SHISAL1: variants seen among roughly 807,000 people sequenced by gnomAD.
SHISAL1 encodes the protein protein shisa-like-1.
In SHISAL1, 9 loss-of-function variants were observed where a neutral mutation model predicts 22.6. That is an observed-to-expected ratio of 0.40 (90% CI 0.24 to 0.70). The LOEUF is 0.70. Ranked by LOEUF, SHISAL1 falls within the 30% of genes least tolerant of loss-of-function variation. SHISAL1 has a pLI of 0.39. For synonymous variants in SHISAL1, 119 were observed against 115.4 expected (o/e 1.03, Z -0.20); for missense variants, 246 against 270.6 (o/e 0.91, Z 0.64).
chr22:44,328,861 C>T, the SHISAL1 span, among the ~76,000 whole-genome samples: 1 of 152,044 alleles, frequency 6.6e-6, no homozygotes, highest in African/African-American at 2.4e-5. Flanking sequence ...CATCCCCCAG[C>T]CCTCCAGGTC....
At chr22:44,301,835 G>A (rs2055431667) in intron 1 of SHISAL1, among the ~76,000 whole-genome samples, 1 of 152,158 alleles carries the variant, frequency 6.6e-6, no homozygotes, top group Admixed American at 6.5e-5. Flanking sequence ...CACCTACATG[G>A]GGTCCCTAGA....
intron 4 of SHISAL1, among the ~76,000 whole-genome samples, chr22:44,258,915 G>A (rs2055102876): frequency 6.6e-6 from 1 of 152,146 alleles, no homozygotes; most frequent in African/African-American, 2.4e-5. Flanking sequence ...CAGGGGGCAG[G>A]TACAGTAAGG....
intron 4 of SHISAL1, among the ~76,000 whole-genome samples, chr22:44,276,178 C>G (rs1373088591): frequency 3.9e-5 from 6 of 152,154 alleles, no homozygotes; most frequent in Non-Finnish European, 8.8e-5. Context: ...TTTTGTAAAC[C>G]TTGGCCAGGG....
At chr22:44,268,097 G>A (rs1601782985) in intron 4 of SHISAL1, among the ~76,000 whole-genome samples, 1 of 152,296 alleles carries the variant, frequency 6.6e-6, no homozygotes, top group East Asian at 1.9e-4. Context: ...TTACCCTCCT[G>A]ATGTTCGGTC....
intron 4 of SHISAL1, among the ~76,000 whole-genome samples, chr22:44,277,449 C>CAAACCAAAACA (rs2055247473): frequency 1.3e-5 from 2 of 150,480 alleles, no homozygotes; most frequent in Non-Finnish European, 3.0e-5. Context: ...ACTCTGCCTC[C>CAAACCAAAACA]AAACAAAACA....
chr22:44,272,216 A>T (rs1445872891), intron 4 of SHISAL1, among the ~76,000 whole-genome samples: 10 of 152,238 alleles, frequency 6.6e-5, no homozygotes, highest in Admixed American at 1.3e-4. Context: ...AGAGACACAC[A>T]ATCTCCATCT....
At position 44,263,736 on chromosome 22, in the gene SHISAL1, C is replaced by T. The variant is rs560798281; in HGVS notation, c.*-14051G>A. On this transcript the variant is annotated intron_variant, in intron 4 of 4. Coordinates refer to ENST00000381176, the MANE Select transcript of SHISAL1 (RefSeq NM_001099294.2). ...GGCCACAAGCCGAGGAATGTGGGCACCTCTGGGAACTGGAGCAGACAAGGA... is the reference window on the plus strand; with the variant it reads ...GGCCACAAGCCGAGGAATGTGGGCATCTCTGGGAACTGGAGCAGACAAGGA... 2.1e-4 allele frequency among the ~76,000 whole-genome samples: 32 copies of T among 152,272 alleles called. No homozygotes were observed. In the South Asian group the frequency reaches 3.3e-3, roughly 16 times the overall value.
the SHISAL1 span, among the ~76,000 whole-genome samples, chr22:44,331,427 G>C: frequency 2.0e-5 from 3 of 149,758 alleles, no homozygotes; most frequent in Admixed American, 1.3e-4. This position sits in a 1 kb window ranked among gnomAD's most constrained non-coding sequence, Gnocchi z 5.2. Flanking sequence ...CGCCGCTCTC[G>C]GACCCCGGCC....
the SHISAL1 span, among the ~76,000 whole-genome samples, chr22:44,326,742 G>T: frequency 6.6e-6 from 1 of 152,046 alleles, no homozygotes; most frequent in African/African-American, 2.4e-5. Flanking sequence ...ATGGGCTGTC[G>T]ATGTAAACGC....
intron 3 of SHISAL1, among the ~76,000 whole-genome samples, chr22:44,287,793 A>T (rs1365997299): frequency 2.6e-5 from 4 of 151,972 alleles, no homozygotes; most frequent in Admixed American, 2.6e-4. Context: ...GTCCATGTAG[A>T]CCGAGGAGTC....
chr22:44,281,240 G>A (rs135399), intron 4 of SHISAL1, among the ~76,000 whole-genome samples: 54,780 of 152,060 alleles, frequency 0.36, 11,012 homozygotes, highest in Non-Finnish European at 0.46. Flanking sequence ...CACGGGATTT[G>A]CTGAGCAGCT....
At chr22:44,296,252 TGG>T (rs2055385147) in intron 3 of SHISAL1, among the ~76,000 whole-genome samples, 1 of 150,204 alleles carries the variant, frequency 6.7e-6, no homozygotes, top group Non-Finnish European at 1.5e-5. Flanking sequence ...CTCTGCCTCC[TGG>T]GTTCAAGTGA....
intron 4 of SHISAL1, among the ~76,000 whole-genome samples, chr22:44,279,015 C>A (rs1390883421): frequency 6.6e-6 from 1 of 152,114 alleles, no homozygotes; most frequent in Non-Finnish European, 1.5e-5. Context: ...GGCACTGAGA[C>A]TAGGGAGGGC....
In SHISAL1 at chr22:44,285,481, C is replaced by A. The variant is rs763354405; in HGVS notation, c.546G>T (p.Leu182Phe). The change falls in exon 4 of 5, where the codon TTG becomes TTT. Residue 182 changes from leucine (L) to phenylalanine (F), a missense_variant. Leu to Phe is a conservative substitution (Grantham distance 22). Around this residue, in one of 2 missense-constraint regions of SHISAL1, gnomAD observed 136 missense variants for 117.5 expected, o/e 1.16. Coordinates refer to ENST00000381176, the MANE Select transcript of SHISAL1 (RefSeq NM_001099294.2). ...GCGGTGGGCTGTGAGCATCTCCCCG[C>A]AATGTGTGCACGGCCTGTGGGGCTT... The part of the protein sequence containing the change: ...LPQAPQAVHT[L>F]RGDAHSPPLM... The A allele has an allele frequency of 1.9e-6, 3 of 1,614,062 alleles. No homozygotes were observed. The highest frequency in any genetic ancestry group is 3.3e-5 in the Admixed American group (2 of 60,022).
chr22:44,286,530 C>T (rs888775156), intron 3 of SHISAL1, among the ~76,000 whole-genome samples: 7 of 152,314 alleles, frequency 4.6e-5, no homozygotes, highest in Non-Finnish European at 8.8e-5. Flanking sequence ...TTGCACAGGC[C>T]GTGCCTTCTT....
chr22:44,261,505 C>G (rs1257587257), intron 4 of SHISAL1, among the ~76,000 whole-genome samples: 1 of 152,168 alleles, frequency 6.6e-6, no homozygotes, highest in Non-Finnish European at 1.5e-5. Flanking sequence ...GGTTCAGGTC[C>G]CGGCTCTGCC....
intron 4 of SHISAL1, among the ~76,000 whole-genome samples, chr22:44,281,387 G>A (rs926255389): frequency 6.6e-6 from 1 of 152,134 alleles, no homozygotes; most frequent in Non-Finnish European, 1.5e-5. Flanking sequence ...ATTGGTGGGA[G>A]GGCCTGGCTG....
chr22:44,314,135 G>T (rs528706984), upstream of SHISAL1, among the ~76,000 whole-genome samples: 1 of 149,850 alleles, frequency 6.7e-6, no homozygotes, highest in East Asian at 2.0e-4. Context: ...GTCCTGGGTC[G>T]CCTGGCTGGG....
At chr22:44,297,825 C>T (rs890153132) in intron 2 of SHISAL1, among the ~76,000 whole-genome samples, 5 of 152,274 alleles carry the variant, frequency 3.3e-5, no homozygotes, top group Admixed American at 6.5e-5. Flanking sequence ...AAAGGGGCTT[C>T]GCTGGCTGAA....
Sources: allele counts gnomAD v4.1 joint callset (sites outside exome capture counted in the v4.1 genomes callset), GRCh38; gene constraint gnomAD v4.1.1; regional missense constraint gnomAD v4.1.1; non-coding constraint Gnocchi (gnomAD v3.1); transcripts MANE v1.5; gene names NCBI Gene and HGNC (gene_info 2026-07-23, HGNC 2026-07-21).